Variants in EYS observed in about 807,000 individuals in gnomAD.
The protein encoded by EYS is protein eyes shut homolog.
In EYS, 250 loss-of-function variants were observed where a neutral mutation model predicts 282.1. That is an observed-to-expected ratio of 0.89 (90% confidence interval 0.80 to 0.98). The LOEUF (loss-of-function observed/expected upper bound fraction) is 0.98, where lower values mean the gene tolerates loss of function less well. Among genes scored for constraint, EYS ranks in the 50% least tolerant of loss-of-function variants. EYS has a pLI of 0.00. For synonymous variants in EYS, 1,355 were observed against 1,282.9 expected (o/e 1.06, Z -1.20); for missense variants, 4,016 against 3,709.0 (o/e 1.08, Z -2.15).
intron 33 of EYS, among the ~76,000 whole-genome samples, chr6:64,016,723 A>G (rs760511137): frequency 6.6e-6 from 1 of 152,002 alleles, no homozygotes; most frequent in Non-Finnish European, 1.5e-5. Flanking sequence ...CTATCTGCCT[A>G]TGTTGGCCTC....
intron 2 of EYS, among the ~76,000 whole-genome samples, chr6:65,626,871 G>A (rs1481053387): frequency 5.4e-5 from 8 of 148,478 alleles, no homozygotes; most frequent in Non-Finnish European, 1.0e-4. Flanking sequence ...GAGAGCCCCT[G>A]GCTCAATGGA....
chr6:64,855,695 A>G (rs1351668477), intron 19 of EYS, among the ~76,000 whole-genome samples: 1 of 152,128 alleles, frequency 6.6e-6, no homozygotes, highest in Non-Finnish European at 1.5e-5. Context: ...GGGTTTTCAC[A>G]ATTGCATGAT....
intron 31 of EYS, among the ~76,000 whole-genome samples, chr6:64,098,791 T>C (rs370715043): frequency 2.5e-4 from 38 of 151,868 alleles, no homozygotes; most frequent in African/African-American, 8.9e-4. Flanking sequence ...TTAGTAGAGG[T>C]ACAGGGTTTC....
At chr6:63,989,113 T>C (rs915496666) in intron 34 of EYS, among the ~76,000 whole-genome samples, 1 of 151,642 alleles carries the variant, frequency 6.6e-6, no homozygotes, top group Admixed American at 6.6e-5. Context: ...TACTAAAATA[T>C]GGAGAGGTGA....
intron 22 of EYS, among the ~76,000 whole-genome samples, chr6:64,791,764 A>G (rs924489190): frequency 1.3e-5 from 2 of 151,922 alleles, no homozygotes; most frequent in Non-Finnish European, 2.9e-5. Flanking sequence ...CTTGAGACAC[A>G]TATTAAAGGA....
intron 28 of EYS, among the ~76,000 whole-genome samples, chr6:64,394,553 G>A (rs952386610): frequency 6.6e-6 from 1 of 152,012 alleles, no homozygotes; most frequent in Non-Finnish European, 1.5e-5. Context: ...TTTAATAAAT[G>A]GTGCTGGGAA....
At chr6:65,076,409 G>T (rs989316890) in intron 12 of EYS, among the ~76,000 whole-genome samples, 1 of 151,862 alleles carries the variant, frequency 6.6e-6, no homozygotes, top group Non-Finnish European at 1.5e-5. Context: ...GGTAAATAAT[G>T]TTACAAACCT....
intron 15 of EYS, among the ~76,000 whole-genome samples, chr6:64,917,617 C>A (rs1466601712): frequency 1.3e-5 from 2 of 152,086 alleles, no homozygotes; most frequent in African/African-American, 4.8e-5. Context: ...GTTCAACAAA[C>A]CAATTGTACA....
intron 9 of EYS, among the ~76,000 whole-genome samples, chr6:65,345,194 A>G (rs942814002): frequency 9.9e-5 from 15 of 151,774 alleles, no homozygotes; most frequent in Non-Finnish European, 1.9e-4. Flanking sequence ...CTCTTCAATC[A>G]TATGTATGTA....
chr6:64,591,547 C>T lies in EYS; in HGVS notation c.4320G>A (p.Arg1440=), dbSNP rs1562080243. The T allele has an allele frequency of 1.9e-6, 3 of 1,551,212 alleles. No individual in the cohort carries two copies. The highest frequency in any genetic ancestry group is 2.6e-6 in the Non-Finnish European group (3 of 1,146,720). The change falls in exon 26 of 43, where the codon AGG becomes AGA. Residue 1440 remains arginine, a synonymous_variant. Transcript: ENST00000503581. ...SIPGADIELN[R]QSLLSRGFLL... The stretch of plus-strand genomic sequence containing the variant: ...GGAATCCACGGGAGAGTAATGACTG[C>T]CTGTTTAGCTCAATATCAGCCCCTG...
At chr6:64,858,282 T>C (rs1766129115) in intron 19 of EYS, among the ~76,000 whole-genome samples, 1 of 152,156 alleles carries the variant, frequency 6.6e-6, no homozygotes, top group South Asian at 2.1e-4. Context: ...GTATATGGTA[T>C]GAGACAGGGA....
intron 12 of EYS, among the ~76,000 whole-genome samples, chr6:65,294,503 G>A (rs1378382401): frequency 6.6e-6 from 1 of 151,708 alleles, no homozygotes; most frequent in East Asian, 1.9e-4. Flanking sequence ...CCAGTAATAA[G>A]TATTATGTAT....
intron 33 of EYS, among the ~76,000 whole-genome samples, chr6:64,019,131 A>C (rs1562154029): frequency 6.6e-6 from 1 of 152,080 alleles, no homozygotes; most frequent in South Asian, 2.1e-4. Flanking sequence ...GACTCAGGGG[A>C]AACGGTAATG....
At chr6:65,464,496 G>A (rs1188853703) in intron 5 of EYS, among the ~76,000 whole-genome samples, 1 of 152,120 alleles carries the variant, frequency 6.6e-6, no homozygotes, top group Non-Finnish European at 1.5e-5. Flanking sequence ...AAATGCCAAA[G>A]TTGAATCTCT....
At chr6:65,610,616 T>A (rs1431143291) in intron 2 of EYS, among the ~76,000 whole-genome samples, 1 of 152,078 alleles carries the variant, frequency 6.6e-6, no homozygotes, top group Non-Finnish European at 1.5e-5. Context: ...TTGACACATG[T>A]CCTCTGTCTC....
chr6:65,692,813 T>A lies in EYS; in HGVS notation c.-448+14322A>T, dbSNP rs1051796743. ...AAAAAGGTGGAAAGACAATTTTCAA[T>A]ACTTTGCATTATATTTTGTTTGAAA... On this transcript the variant is annotated intron_variant, in intron 1 of 42. Coordinates refer to ENST00000503581, the MANE Select transcript of EYS (RefSeq NM_001142800.2). Among the ~76,000 whole-genome samples, 9 of 150,176 alleles carry A rather than the reference T, an allele frequency of 6.0e-5. 1 individual carries two copies. Among genetic ancestry groups the A allele is most frequent in the African/African-American group, 1.9e-4 (8 of 41,262 alleles).
intron 28 of EYS, among the ~76,000 whole-genome samples, chr6:64,409,639 A>G (rs1773823053): frequency 6.6e-6 from 1 of 152,174 alleles, no homozygotes; most frequent in Admixed American, 6.6e-5. Context: ...GATTATTAGA[A>G]TCTGAAAAAA....
At chr6:64,219,111 G>A (rs1326801019) in intron 31 of EYS, among the ~76,000 whole-genome samples, 1 of 152,154 alleles carries the variant, frequency 6.6e-6, no homozygotes, top group Non-Finnish European at 1.5e-5. Context: ...CTGCCCATGC[G>A]GAATTATAAT....
At chr6:65,239,388 A>G (rs1767002536) in intron 12 of EYS, among the ~76,000 whole-genome samples, 1 of 152,136 alleles carries the variant, frequency 6.6e-6, no homozygotes, top group South Asian at 2.1e-4. Flanking sequence ...TATAATCTGG[A>G]TATTTTTGTT....
Sources: allele counts gnomAD v4.1 joint callset (sites outside exome capture counted in the v4.1 genomes callset), GRCh38; gene constraint gnomAD v4.1.1; transcripts MANE v1.5; gene names NCBI Gene and HGNC (gene_info 2026-07-23, HGNC 2026-07-21).